The following CHRNA4 variants were observed in gnomAD, a reference collection of about 807,000 sequenced individuals.
CHRNA4 encodes the protein neuronal acetylcholine receptor subunit alpha-4.
A neutral mutation model predicts 48.9 loss-of-function variants in CHRNA4; 28 were observed. That is an observed-to-expected ratio of 0.57 (90% confidence interval 0.42 to 0.79). CHRNA4 has a LOEUF of 0.79. Among genes scored for constraint, CHRNA4 ranks in the 30% least tolerant of loss-of-function variants. CHRNA4 has a pLI of 0.00. For synonymous variants in CHRNA4, 425 were observed against 402.3 expected, an observed-to-expected ratio of 1.06 and a Z score of -0.68; for missense variants, 859 against 898.4, an observed-to-expected ratio of 0.96 and a Z score of 0.56.
chr20:63,356,634 T>A (rs1568817230), intron 2 of CHRNA4: 1 of 608,156 alleles, frequency 1.6e-6, no homozygotes, highest in Non-Finnish European at 3.0e-6. Flanking sequence ...GCCACAAACA[T>A]CTCCAGCAGG....
Position 63,350,462 on chromosome 20 carries a change from CGAA to C in CHRNA4, c.946_948del (p.Phe316del). 6.2e-7 allele frequency: 1 copy of C among 1,613,560 alleles called. No homozygotes were observed. The highest frequency in any genetic ancestry group is 8.5e-7 in the Non-Finnish European group (1 of 1,179,984). ...ACCGTGATGACGATGGACAGGGTGA[CGAA>C]GATCATGGTGAACAGCAGGTACTCG... On this transcript the variant is annotated inframe_deletion, in exon 5 of 6. Coordinates refer to ENST00000370263, the MANE Select transcript of CHRNA4 (RefSeq NM_000744.7).
Position 63,345,256 on chromosome 20 carries a change from C to T in CHRNA4, c.*1482G>A, listed in dbSNP as rs1215144892. On this transcript the variant is annotated 3_prime_UTR_variant, in exon 6 of 6. Coordinates refer to ENST00000370263, the MANE Select transcript of CHRNA4 (RefSeq NM_000744.7). This position sits in a 1 kb window ranked among gnomAD's most constrained non-coding sequence, Gnocchi z 5.4. ...GGGACGCAGAGCCCAACCCCATCCC[C>T]ACCCCTGGCTGGATGGGGTCTGGGG... The T allele has an allele frequency of 2.2e-6, 1 of 451,000 alleles. No homozygotes were observed. The highest frequency in any genetic ancestry group is 2.0e-5 in the African/African-American group (1 of 49,954). 27.9% of individuals were successfully genotyped at this position (451,000 alleles called of 1,614,324 possible).
In CHRNA4 at chr20:63,350,823, G is replaced by A. The variant is rs2123472979; in HGVS notation, c.588C>T (p.Ser196=). The A allele has an allele frequency of 2.5e-6, 4 of 1,613,998 alleles. No individual in the cohort carries two copies. Among genetic ancestry groups the A allele is most frequent in the South Asian group, 2.2e-5 (2 of 91,070 alleles). The change falls in exon 5 of 6, where the codon AGC becomes AGT. Residue 196 remains serine, a synonymous_variant. Transcript: ENST00000370263. ...KAKIDLVNMH[S]RVDQLDFWES... ...CCCAGAAGTCCAGCTGGTCCACGCGGCTGTGCATGTTCACCAGGTCGATCT... is the reference window on the plus strand; with the variant it reads ...CCCAGAAGTCCAGCTGGTCCACGCGACTGTGCATGTTCACCAGGTCGATCT...
Position 63,350,284 on chromosome 20 carries a change from T to A in CHRNA4, c.1127A>T (p.His376Leu), listed in dbSNP as rs1568809155. ...DNCRRLIESM[H>L]KMASAPRFWP... The stretch of plus-strand genomic sequence containing the variant: ...GAAGCGCGGGGCACTGGCCATCTTA[T>A]GCATGGACTCGATGAGCCGCCGGCA... The change falls in exon 5 of 6, where the codon CAT becomes CTT. Residue 376 changes from histidine (H) to leucine (L), a missense_variant. His to Leu is a moderately conservative substitution (Grantham distance 99). Coordinates refer to ENST00000370263, the MANE Select transcript of CHRNA4 (RefSeq NM_000744.7). The A allele has an allele frequency of 6.2e-7, 1 of 1,612,586 alleles. No homozygotes were observed. Among genetic ancestry groups the A allele is most frequent in the African/African-American group, 1.3e-5 (1 of 75,044 alleles).
chr20:63,354,533 C>A, intron 4 of CHRNA4: 1 of 942,262 alleles, frequency 1.1e-6, no homozygotes, highest in Non-Finnish European at 1.2e-6. Context: ...AGCTGTGAAC[C>A]TGGTGGGGGC....
intron 4 of CHRNA4, 195 bp downstream of exon 4, chr20:63,355,780 T>G (rs1294194360): frequency 2.3e-6 from 2 of 870,416 alleles, no homozygotes; most frequent in Non-Finnish European, 3.5e-6. Flanking sequence ...GACCCTTCCC[T>G]CCTCAACCCA....
chr20:63,353,447 C>T (rs1274432545), intron 4 of CHRNA4, among the ~76,000 whole-genome samples: 1 of 140,748 alleles, frequency 7.1e-6, no homozygotes, highest in East Asian at 2.1e-4. Context: ...AGCTGTGGTC[C>T]TAGGGGGCTG....
At chr20:63,357,834 C>T (rs1342209245) in intron 2 of CHRNA4, among the ~76,000 whole-genome samples, 2 of 152,170 alleles carry the variant, frequency 1.3e-5, no homozygotes, top group Non-Finnish European at 2.9e-5. Context: ...AGTCCTTAGT[C>T]GGCTGCAGGG....
In CHRNA4 at chr20:63,349,766, G is replaced by A. The variant is rs367658654; in HGVS notation, c.1645C>T (p.Arg549Cys). The A allele has an allele frequency of 3.4e-5, 54 of 1,611,498 alleles. No homozygotes were observed. In the East Asian group the frequency reaches 5.8e-4, roughly 17 times the overall value. Residue 549 changes from arginine to cysteine, a missense_variant, in exon 5 of 6, where the codon CGC becomes TGC. Arg to Cys is a radical substitution (Grantham distance 180, BLOSUM62 -3). Coordinates refer to ENST00000370263, the MANE Select transcript of CHRNA4 (RefSeq NM_000744.7). ...SVSPSATVKT[R>C]STKAPPPHLP... The stretch of plus-strand genomic sequence containing the variant: ...TGCGGGGGCGGCGCTTTGGTGCTGC[G>A]GGTCTTGACCGTGGCGCTCGGGGAC...
chr20:63,349,671 G>C lies in CHRNA4; in HGVS notation c.1740C>G (p.Ala580=), dbSNP rs377071784. The C allele has an allele frequency of 5.6e-6, 9 of 1,612,704 alleles. No homozygotes were observed. The highest frequency in any genetic ancestry group is 5.1e-6 in the Non-Finnish European group (6 of 1,179,898). The change falls in exon 5 of 6, where the codon GCC becomes GCG. Residue 580 remains alanine, a synonymous_variant. Transcript: ENST00000370263. ...GVQYIADHLK[A]EDTDFSVKED... ...GACTTACCGAGAAGTCTGTGTCTTC[G>C]GCCTTCAGGTGGTCTGCAATGTACT...
rs2068453063 is a variant in CHRNA4, at chr20:63,344,430, G to T, written c.*2308C>A. 2.2e-6 allele frequency: 1 copy of T among 453,208 alleles called. No individual in the cohort carries two copies. Among genetic ancestry groups the T allele is most frequent in the African/African-American group, 2.0e-5 (1 of 49,690 alleles). The allele number at this position is 453,208 out of a possible 1,614,324, so 28.1% of individuals were successfully genotyped here. A position where few individuals can be genotyped will look rare whatever the true frequency, so the allele number is the denominator to read the frequency against. On this transcript the variant is annotated 3_prime_UTR_variant, in exon 6 of 6. Transcript: ENST00000370263. This position sits in a 1 kb window ranked among gnomAD's most constrained non-coding sequence, Gnocchi z 4.5. Reference sequence around the variant, plus strand: ...CACTGGACGCAAATACGCCAACATTGTTGTCAAGGTTAATTTGGCGTGGTG... The same window carrying T: ...CACTGGACGCAAATACGCCAACATTTTTGTCAAGGTTAATTTGGCGTGGTG...
At chr20:63,354,646 C>T (rs2068691049) in intron 4 of CHRNA4, 10 of 963,236 alleles carry the variant, frequency 1.0e-5, no homozygotes, top group Non-Finnish European at 1.2e-5. Context: ...ACAGTGGGGG[C>T]TGTGGTCCTC....
chr20:63,360,985 C>G (rs904511711), intron 1 of CHRNA4, 105 bp downstream of exon 1: 11 of 1,002,700 alleles, frequency 1.1e-5, no homozygotes, highest in East Asian at 3.3e-5. Context: ...CGCGCGCACC[C>G]GCGGCTTGGG....
In CHRNA4 at chr20:63,346,605, G is replaced by A. The variant is rs2068498709; in HGVS notation, c.*133C>T. The A allele has an allele frequency of 2.3e-6, 3 of 1,316,388 alleles. No homozygotes were observed. Among genetic ancestry groups the A allele is most frequent in the Non-Finnish European group, 3.2e-6 (3 of 949,398 alleles). The allele number at this position is 1,316,388 out of a possible 1,614,324, so 81.5% of individuals were successfully genotyped here. ...CCAAGGCCGTCTTACAGCAGACACA[G>A]AACAGGAAGGAAAATTTGGCAAACG... is the stretch of plus-strand genomic sequence containing the variant. On this transcript the variant is annotated 3_prime_UTR_variant, in exon 6 of 6. Transcript: ENST00000370263.
chr20:63,360,457 C>A (rs1386488624), intron 1 of CHRNA4, among the ~76,000 whole-genome samples: 6 of 152,184 alleles, frequency 3.9e-5, no homozygotes, highest in Non-Finnish European at 8.8e-5. Flanking sequence ...GGTCCGGGGC[C>A]CCAGGATCTG....
Position 63,343,224 on chromosome 20 carries a change from G to A in CHRNA4, c.*3514C>T. ...AGAAAATGCAAAGCACGGCACACGTGGTGACGGTGCGTTTTATTCATTGAA... is the reference window on the plus strand; with the variant it reads ...AGAAAATGCAAAGCACGGCACACGTAGTGACGGTGCGTTTTATTCATTGAA... On this transcript the variant is annotated 3_prime_UTR_variant, in exon 6 of 6. Coordinates refer to ENST00000370263, the MANE Select transcript of CHRNA4 (RefSeq NM_000744.7). The A allele has an allele frequency of 2.6e-6, 1 of 385,802 alleles. No individual in the cohort carries two copies. 23.9% of individuals were successfully genotyped at this position (385,802 alleles called of 1,614,324 possible). A position where few individuals can be genotyped will look rare whatever the true frequency, so the allele number is the denominator to read the frequency against.
chr20:63,359,394 G>A (rs1208234769), intron 2 of CHRNA4, 154 bp downstream of exon 2: 2 of 960,110 alleles, frequency 2.1e-6, no homozygotes, highest in African/African-American at 1.6e-5. Context: ...AGGCGGGGCA[G>A]AGCTGGTGGC....
rs138295365 is a variant in CHRNA4 at position 63,359,599 on chromosome 20, C to A, written c.177G>T (p.Ser59=). ...NKWSRPVANI[S]DVVLVRFGLS... ...GGCCGAAGCGGACGAGGACCACGTC[C>A]GAGATGTTGGCCACGGGTCGGGACC... Residue 59 remains serine, a synonymous_variant, in exon 2 of 6, where the codon TCG becomes TCT. Coordinates refer to ENST00000370263, the MANE Select transcript of CHRNA4 (RefSeq NM_000744.7). 24 of 1,612,596 alleles carry A rather than the reference C, an allele frequency of 1.5e-5. No individual in the cohort carries two copies. The highest frequency in any genetic ancestry group is 2.0e-5 in the Non-Finnish European group (24 of 1,179,944).
chr20:63,350,718 C>T lies in CHRNA4; in HGVS notation c.693G>A (p.Pro231=), dbSNP rs121912250. ...GGATGACGAAGGCATAGGTGATGTC[C>T]GGGTAGATCTCGGCACAGCACTCGT... ...RKYECCAEIY[P]DITYAFVIRR... is the part of the protein sequence containing the mutation. The change falls in exon 5 of 6, where the codon CCG becomes CCA. Residue 231 remains proline (P), a synonymous_variant. Transcript: ENST00000370263. 69 of 1,613,600 alleles carry T rather than the reference C, an allele frequency of 4.3e-5. No homozygotes were observed. Among genetic ancestry groups the T allele is most frequent in the East Asian group, 2.9e-4 (13 of 44,876 alleles).
Sources: allele counts gnomAD v4.1 joint callset (sites outside exome capture counted in the v4.1 genomes callset), GRCh38; gene constraint gnomAD v4.1.1; non-coding constraint Gnocchi (gnomAD v3.1); transcripts MANE v1.5; gene names NCBI Gene and HGNC (gene_info 2026-07-23, HGNC 2026-07-21).